Variants in AFG1L observed in about 807,000 individuals in gnomAD.
AFG1L encodes AFG1 like ATPase.
Under a neutral mutation model 62.2 loss-of-function variants are expected in AFG1L, and 53 were observed. The ratio of observed to expected loss-of-function variants is 0.85; its 90% confidence interval spans 0.68 to 1.07. The LOEUF is 1.07. AFG1L is among the 50% of genes least tolerant of loss of function. The pLI is 0.00. For missense variants in AFG1L, 555 were observed against 590.5 expected, an observed-to-expected ratio of 0.94 and a Z score of 0.62; for synonymous variants, 228 against 210.3, an observed-to-expected ratio of 1.08 and a Z score of -0.73.
chr6:108,313,630 T>C (rs1777490169), intron 1 of AFG1L, among the ~76,000 whole-genome samples: 1 of 152,052 alleles, frequency 6.6e-6, no homozygotes, highest in African/African-American at 2.4e-5. Flanking sequence ...GCCTTAACCT[T>C]CCTGGGCTCA....
chr6:108,313,607 A>G (rs1276941111), intron 1 of AFG1L, among the ~76,000 whole-genome samples: 1 of 152,064 alleles, frequency 6.6e-6, no homozygotes, highest in Non-Finnish European at 1.5e-5. Flanking sequence ...TGACATAATC[A>G]CGGCTCACTG....
intron 2 of AFG1L, among the ~76,000 whole-genome samples, chr6:108,333,966 T>G (rs967185417): frequency 7.2e-5 from 11 of 152,208 alleles, no homozygotes; most frequent in Non-Finnish European, 1.5e-4. Flanking sequence ...ATATTTTACA[T>G]GTGATTGTGA....
intron 8 of AFG1L, among the ~76,000 whole-genome samples, chr6:108,468,517 A>C (rs193053640): frequency 1.2e-4 from 19 of 152,252 alleles, no homozygotes; most frequent in African/African-American, 4.6e-4. Flanking sequence ...CTGAAATTGC[A>C]TAAGGATATG....
chr6:108,417,275 CA>C (rs1770348708), intron 7 of AFG1L, among the ~76,000 whole-genome samples: 3 of 126,156 alleles, frequency 2.4e-5, no homozygotes, highest in Admixed American at 1.8e-4. Flanking sequence ...CGCACACACA[CA>C]CACACACACA....
intron 3 of AFG1L, among the ~76,000 whole-genome samples, chr6:108,352,142 ATCCCACCCCAGAC>A (rs1779106611): frequency 1.3e-5 from 2 of 152,102 alleles, no homozygotes; most frequent in Non-Finnish European, 2.9e-5. Flanking sequence ...CATTTTCCAC[ATCCCACCCCAGAC>A]TCCCCTGGCC....
chr6:108,489,006 A>G (rs1773676359), intron 10 of AFG1L, among the ~76,000 whole-genome samples: 1 of 152,208 alleles, frequency 6.6e-6, no homozygotes, highest in East Asian at 1.9e-4. Flanking sequence ...ACAAAATCTG[A>G]AAAATAACTA....
intron 6 of AFG1L, among the ~76,000 whole-genome samples, chr6:108,393,903 C>T (rs1257947691): frequency 6.6e-6 from 1 of 152,024 alleles, no homozygotes; most frequent in Non-Finnish European, 1.5e-5. Context: ...TTTTAAAATA[C>T]TGACATATGT....
intron 7 of AFG1L, among the ~76,000 whole-genome samples, chr6:108,429,156 A>G (rs1298378140): frequency 3.3e-5 from 5 of 152,104 alleles, no homozygotes; most frequent in Non-Finnish European, 7.4e-5. Flanking sequence ...AGCACCATTT[A>G]TTGAATAGTG....
intron 6 of AFG1L, among the ~76,000 whole-genome samples, chr6:108,385,973 T>C (rs1780746021): frequency 6.6e-6 from 1 of 152,110 alleles, no homozygotes; most frequent in Non-Finnish European, 1.5e-5. Flanking sequence ...AATTAGCTGG[T>C]GTGGTGGCAC....
intron 8 of AFG1L, among the ~76,000 whole-genome samples, chr6:108,458,194 A>G (rs1490491922): frequency 6.6e-6 from 1 of 152,090 alleles, no homozygotes; most frequent in Non-Finnish European, 1.5e-5. Flanking sequence ...GTTTTCAATT[A>G]GTTTGGAGAA....
In AFG1L at chr6:108,366,297, T is replaced by C. The variant is rs773594102; in HGVS notation, c.713T>C (p.Val238Ala). 50 of 1,612,034 alleles carry C rather than the reference T, an allele frequency of 3.1e-5. No homozygotes were observed. In the South Asian group the frequency reaches 5.3e-4, roughly 17 times the overall value. The part of the protein sequence containing the change: ...QLFENLFKNG[V>A]VVVATSNRPP... ...TTTGAAAATCTGTTCAAAAACGGGG[T>C]CGTCGTTGTGGCAACATCCAACAGG... is the stretch of plus-strand genomic sequence containing the variant. Residue 238 changes from valine to alanine, a missense_variant, in exon 6 of 13, where the codon GTC (valine) becomes GCC (alanine). By Grantham distance (64) the Val-to-Ala change is moderately conservative. Transcript: ENST00000368977.
At chr6:108,459,643 G>C (rs2114776929) in intron 8 of AFG1L, among the ~76,000 whole-genome samples, 1 of 152,272 alleles carries the variant, frequency 6.6e-6, no homozygotes, top group Non-Finnish European at 1.5e-5. Context: ...CATAATAGTT[G>C]ATGAGGGGAA....
intron 7 of AFG1L, among the ~76,000 whole-genome samples, chr6:108,407,195 G>A (rs1463097989): frequency 2.0e-5 from 3 of 152,126 alleles, no homozygotes; most frequent in African/African-American, 7.2e-5. Context: ...TGGTTGGGGA[G>A]GTGGAGCTAC....
In AFG1L at chr6:108,323,915, A is replaced by G; in HGVS notation, c.230A>G (p.Asp77Gly). ...TTGGCCGTTTGCCATGGACCTCTGG[A>G]CCACTATGATTTTCTGATCAAAGCT... ...KALAVCHGPL[D>G]HYDFLIKAHE... Residue 77 changes from aspartate to glycine, a missense_variant, in exon 2 of 13, where the codon GAC becomes GGC. Asp to Gly is a moderately conservative substitution (Grantham distance 94). Coordinates refer to ENST00000368977, the MANE Select transcript of AFG1L (RefSeq NM_145315.5). The G allele has an allele frequency of 1.9e-6, 3 of 1,614,198 alleles. No individual in the cohort carries two copies. The highest frequency in any genetic ancestry group is 2.5e-6 in the Non-Finnish European group (3 of 1,180,024).
intron 8 of AFG1L, among the ~76,000 whole-genome samples, chr6:108,472,235 A>G (rs545164088): frequency 6.6e-6 from 1 of 152,178 alleles, no homozygotes; most frequent in Admixed American, 6.5e-5. Flanking sequence ...AGGGGAAGGG[A>G]TGAGGAGAGG....
intron 8 of AFG1L, among the ~76,000 whole-genome samples, chr6:108,447,667 G>A (rs1771874528): frequency 6.6e-6 from 1 of 151,986 alleles, no homozygotes; most frequent in African/African-American, 2.4e-5. Context: ...CAAAATTGTT[G>A]TTTTATTTGT....
chr6:108,316,440 C>A lies in AFG1L; in HGVS notation c.140-7385C>A, dbSNP rs1777602093. 2.0e-5 allele frequency among the ~76,000 whole-genome samples: 3 copies of A among 148,234 alleles called. No individual in the cohort carries two copies. The South Asian group carries it at 6.3e-4, about 31-fold the overall frequency. On this transcript the variant is annotated intron_variant, in intron 1 of 12. Transcript: ENST00000368977. ...AGTTGTATATTTAAAGGACTTGCCT[C>A]AGATTAAACATACTCACACATAATT...
intron 6 of AFG1L, among the ~76,000 whole-genome samples, chr6:108,375,502 G>A (rs757433047): frequency 4.6e-5 from 7 of 151,804 alleles, no homozygotes; most frequent in East Asian, 1.9e-4. Context: ...GTGTTCCTGC[G>A]GTGTCTAGTT....
chr6:108,427,060 G>A (rs931818972), intron 7 of AFG1L, among the ~76,000 whole-genome samples: 2 of 151,934 alleles, frequency 1.3e-5, no homozygotes, highest in Non-Finnish European at 2.9e-5. Context: ...AAGATCTTTT[G>A]ATATTAGATA....
Sources: gnomAD v4.1 joint callset for allele counts (sites outside exome capture counted in the v4.1 genomes callset) on GRCh38, gnomAD v4.1.1 for gene constraint, MANE v1.5 for transcripts, NCBI Gene and HGNC (gene_info 2026-07-23, HGNC 2026-07-21) for gene names.